Variants in SPEF2 observed in about 807,000 individuals in gnomAD.
SPEF2 encodes the protein sperm flagella and cilia-associated protein 2.
In SPEF2, 187 loss-of-function variants were observed where a neutral mutation model predicts 224.6. The observed-to-expected ratio is 0.83, with a 90% confidence interval of 0.74 to 0.94. The LOEUF (loss-of-function observed/expected upper bound fraction) is 0.94. Ranked by LOEUF, SPEF2 falls within the 40% of genes least tolerant of loss-of-function variation. The pLI, the probability that SPEF2 is intolerant of heterozygous loss-of-function variation, is 0.00. For missense variants in SPEF2, 2,170 were observed against 2,135.6 expected, an observed-to-expected ratio of 1.02 and a Z score of -0.32; for synonymous variants, 715 against 707.3, an observed-to-expected ratio of 1.01 and a Z score of -0.17.
At chr5:35,763,475 T>C (rs1003201872) in intron 25 of SPEF2, 47 bp from the exon 26 acceptor site, 3 of 1,497,474 alleles carry the variant, frequency 2.0e-6, no homozygotes, top group Non-Finnish European at 1.8e-6. Context: ...AAACAGAATT[T>C]TGTTAAGCAA....
intron 1 of SPEF2, among the ~76,000 whole-genome samples, chr5:35,624,696 G>A (rs1284614337): frequency 1.3e-5 from 2 of 152,028 alleles, no homozygotes; most frequent in Admixed American, 6.5e-5. Context: ...GAGTGCAGTG[G>A]CGCAATCTCA....
At chr5:35,804,901 G>T (rs1288878167) in intron 34 of SPEF2, among the ~76,000 whole-genome samples, 1 of 152,070 alleles carries the variant, frequency 6.6e-6, no homozygotes, top group Non-Finnish European at 1.5e-5. Flanking sequence ...TGGGTACACA[G>T]AACCTATGCT....
At chr5:35,803,088 T>C (rs994625576) in intron 34 of SPEF2, among the ~76,000 whole-genome samples, 1 of 152,128 alleles carries the variant, frequency 6.6e-6, no homozygotes, top group Non-Finnish European at 1.5e-5. Context: ...GCTTGATTAG[T>C]ATTTGTGAAC....
At chr5:35,747,525 G>C (rs529632525) in intron 23 of SPEF2, among the ~76,000 whole-genome samples, 1 of 152,178 alleles carries the variant, frequency 6.6e-6, no homozygotes, top group East Asian at 1.9e-4. Context: ...AAAGTGAGCA[G>C]GGTAGCTATT....
At chr5:35,746,170 C>T (rs1169090547) in intron 23 of SPEF2, among the ~76,000 whole-genome samples, 2 of 152,198 alleles carry the variant, frequency 1.3e-5, no homozygotes, top group African/African-American at 4.8e-5. Flanking sequence ...AGAATCTGAA[C>T]AAGAGCTTTC....
At chr5:35,632,902 A>G (rs1005539004) in intron 2 of SPEF2, 3 of 152,210 alleles carry the variant, frequency 2.0e-5, no homozygotes, top group Non-Finnish European at 2.9e-5. Flanking sequence ...ATTTAATTAC[A>G]TCGTCATTGG....
chr5:35,753,565 C>T lies in SPEF2; in HGVS notation c.3331-59C>T. On this transcript the variant is annotated intron_variant, in intron 23 of 36. Transcript: ENST00000356031. ...GGCAAAGGATTTTAGTTTTATTGCA[C>T]CTAGGTGATTTGAGCAGCAATCTAA... 7 of 1,607,104 alleles carry T rather than the reference C, an allele frequency of 4.4e-6. No homozygotes were observed. The South Asian group carries it at 7.7e-5, about 18-fold the overall frequency.
At position 35,630,135 on chromosome 5, in the gene SPEF2, G is replaced by A. The variant is rs1037275570; in HGVS notation, c.161+1573G>A. Among the ~76,000 whole-genome samples, 9 of 152,232 alleles carry A rather than the reference G, an allele frequency of 5.9e-5. 1 individual carries two copies. The highest frequency in any genetic ancestry group is 2.6e-4 in the Admixed American group (4 of 15,302). The stretch of plus-strand genomic sequence containing the variant: ...AGCTCCCATGGCCTTGGACAGCTCC[G>A]TCCCTGTGGCTTTCAGGGTACAACC... On this transcript the variant is annotated intron_variant, in intron 2 of 36. Coordinates refer to ENST00000356031, the MANE Select transcript of SPEF2 (RefSeq NM_024867.4).
intron 17 of SPEF2, 54 bp from the exon 18 acceptor site, chr5:35,705,597 C>T: frequency 7.5e-7 from 1 of 1,324,904 alleles, no homozygotes; most frequent in Non-Finnish European, 1.0e-6. Flanking sequence ...TGCTTAATGT[C>T]ATTCTAATCT....
chr5:35,777,593 G>C (rs1419247222), intron 29 of SPEF2, among the ~76,000 whole-genome samples: 1 of 150,374 alleles, frequency 6.7e-6, no homozygotes, highest in East Asian at 1.9e-4. Flanking sequence ...TATTGTATAT[G>C]TCTGCCCTGT....
chr5:35,765,199 A>T (rs1211335050), intron 26 of SPEF2, among the ~76,000 whole-genome samples: 1 of 152,208 alleles, frequency 6.6e-6, no homozygotes, highest in East Asian at 1.9e-4. Flanking sequence ...AGCTTTAGAT[A>T]AATGGACTCA....
Position 35,776,344 on chromosome 5 carries a change from A to G in SPEF2, c.4166A>G (p.Tyr1389Cys), listed in dbSNP as rs530386441. The stretch of plus-strand genomic sequence containing the variant: ...TTAGTAACAAAGGTGGTTGATGTAT[A>G]TAAACTCATGGAAAAATGGCTTGGT... Reference protein sequence around the residue: ...EDLVTKVVDVYKLMEKWLGER... With the variant: ...EDLVTKVVDVCKLMEKWLGER... Residue 1389 changes from tyrosine to cysteine, a missense_variant, in exon 29 of 37, where the codon TAT becomes TGT. Physicochemically the swap from Tyr to Cys is radical, Grantham distance 194. Transcript: ENST00000356031. 44 of 1,612,914 alleles carry G rather than the reference A, an allele frequency of 2.7e-5. No individual in the cohort carries two copies. The East Asian group carries it at 3.1e-4, about 11-fold the overall frequency.
In SPEF2 at chr5:35,793,241, G is replaced by C; in HGVS notation, c.4637G>C (p.Trp1546Ser). 1 of 1,614,050 alleles carries C rather than the reference G, an allele frequency of 6.2e-7. No homozygotes were observed. Among genetic ancestry groups the C allele is most frequent in the South Asian group, 1.1e-5 (1 of 91,080 alleles). Residue 1546 changes from tryptophan to serine, a missense_variant, in exon 32 of 37, where the codon TGG (tryptophan) becomes TCG (serine). Physicochemically the swap from Trp to Ser is radical, Grantham distance 177. Transcript: ENST00000356031. ...RKFLLVTSMP[W>S]PIPLEEELLE... ...TTCCTGTTAGTAACCTCAATGCCTT[G>C]GCCCATTCCCTTGGAGGAGGAGCTC...
intron 14 of SPEF2, among the ~76,000 whole-genome samples, chr5:35,697,236 T>C (rs572652442): frequency 2.6e-5 from 4 of 152,114 alleles, no homozygotes; most frequent in African/African-American, 7.2e-5. Context: ...AGATAATTAT[T>C]TGAGTGCTAA....
At position 35,695,666 on chromosome 5, in the gene SPEF2, G is replaced by A; in HGVS notation, c.1976-69G>A. 3.9e-6 allele frequency: 5 copies of A among 1,292,762 alleles called. No homozygotes were observed. The South Asian group carries it at 6.6e-5, about 17-fold the overall frequency. The allele number at this position is 1,292,762 out of a possible 1,614,324, so 80.1% of individuals were successfully genotyped here. ...ACCCTTATGTCCAAAACCATAGATG[G>A]TCAAATACTGCTTTGGTTGTTAGGT... On this transcript the variant is annotated intron_variant, in intron 13 of 36. Coordinates refer to ENST00000356031, the MANE Select transcript of SPEF2 (RefSeq NM_024867.4).
intron 32 of SPEF2, among the ~76,000 whole-genome samples, chr5:35,794,630 T>C (rs1241966279): frequency 6.6e-6 from 1 of 152,210 alleles, no homozygotes; most frequent in East Asian, 1.9e-4. Context: ...TTTTTAAAAG[T>C]GCGCACTCGT....
chr5:35,715,629 G>A (rs917368306), intron 20 of SPEF2, among the ~76,000 whole-genome samples: 3 of 151,918 alleles, frequency 2.0e-5, no homozygotes, highest in African/African-American at 7.3e-5. Flanking sequence ...TGGCTGACTA[G>A]AAGTTCAGAA....
intron 20 of SPEF2, among the ~76,000 whole-genome samples, chr5:35,715,726 T>C (rs1324563562): frequency 6.6e-6 from 1 of 152,034 alleles, no homozygotes; most frequent in Non-Finnish European, 1.5e-5. Flanking sequence ...TTTGAACTTC[T>C]ACTTTAAGTT....
chr5:35,790,218 G>T (rs1344021202), intron 30 of SPEF2: 1 of 689,732 alleles, frequency 1.4e-6, no homozygotes. Flanking sequence ...AAGTATGACG[G>T]ATGTCCTAAT....
Sources: gnomAD v4.1 joint callset for allele counts (sites outside exome capture counted in the v4.1 genomes callset) on GRCh38, gnomAD v4.1.1 for gene constraint, MANE v1.5 for transcripts, NCBI Gene and HGNC (gene_info 2026-07-23, HGNC 2026-07-21) for gene names.